PHACTR3: variants seen among roughly 807,000 people sequenced by gnomAD.
The protein encoded by PHACTR3 is protein phosphatase 1, regulatory subunit 123.
In PHACTR3, 16 loss-of-function variants were observed where a neutral mutation model predicts 66.8. That is an observed-to-expected ratio of 0.24 (90% CI 0.16 to 0.36). The LOEUF (loss-of-function observed/expected upper bound fraction) is 0.36. Among genes scored for constraint, PHACTR3 ranks in the 10% least tolerant of loss-of-function variants. PHACTR3 has a pLI of 1.00. For synonymous variants in PHACTR3, 323 were observed against 292.1 expected (o/e 1.11, Z -1.08); for missense variants, 647 against 719.9 (o/e 0.90, Z 1.16).
intron 5 of PHACTR3, among the ~76,000 whole-genome samples, chr20:59,768,866 G>A (rs575771269): frequency 6.6e-6 from 1 of 152,372 alleles, no homozygotes; most frequent in East Asian, 1.9e-4. Flanking sequence ...AACGGAGGAG[G>A]TGAGATGCAC....
intron 1 of PHACTR3, among the ~76,000 whole-genome samples, chr20:59,678,613 A>G (rs1190631455): frequency 1.3e-5 from 2 of 152,160 alleles, no homozygotes; most frequent in East Asian, 3.9e-4. Flanking sequence ...TCGCAGCTGA[A>G]TCTCATCTAC....
At chr20:59,608,565 C>T (rs907229994) in intron 1 of PHACTR3, among the ~76,000 whole-genome samples, 9 of 152,220 alleles carry the variant, frequency 5.9e-5, no homozygotes, top group South Asian at 2.1e-4. Context: ...CCCCTGGCAT[C>T]GGCCCCAGCA....
intron 7 of PHACTR3, among the ~76,000 whole-genome samples, chr20:59,797,629 T>C (rs1310412557): frequency 1.3e-5 from 2 of 152,196 alleles, no homozygotes; most frequent in Non-Finnish European, 2.9e-5. Flanking sequence ...TGAGTACCTC[T>C]GTTGCCTAGT....
At chr20:59,634,682 C>T (rs2034784471) in intron 1 of PHACTR3, among the ~76,000 whole-genome samples, 1 of 152,192 alleles carries the variant, frequency 6.6e-6, no homozygotes, top group Non-Finnish European at 1.5e-5. Flanking sequence ...GCCTCCTGTG[C>T]TTTTATCTTC....
At chr20:59,780,727 A>G (rs1347211531) in intron 7 of PHACTR3, among the ~76,000 whole-genome samples, 1 of 152,186 alleles carries the variant, frequency 6.6e-6, no homozygotes, top group African/African-American at 2.4e-5. Context: ...TACTCTGCGT[A>G]GAGAGACTTG....
chr20:59,845,011 G>T, intron 11 of PHACTR3, 178 bp from the exon 12 acceptor site: 1 of 483,286 alleles, frequency 2.1e-6, no homozygotes, highest in Non-Finnish European at 3.8e-6. Context: ...TACTAGCTTG[G>T]TAGGACTATA....
intron 7 of PHACTR3, among the ~76,000 whole-genome samples, chr20:59,797,537 AC>A (rs1331693380): frequency 6.6e-6 from 1 of 152,180 alleles, no homozygotes; most frequent in East Asian, 1.9e-4. Context: ...AGGGTAGAGT[AC>A]ATTGCCCTTT....
intron 7 of PHACTR3, among the ~76,000 whole-genome samples, chr20:59,800,885 G>C (rs1473822429): frequency 1.3e-5 from 2 of 152,048 alleles, no homozygotes; most frequent in Non-Finnish European, 2.9e-5. Flanking sequence ...TATTGAGTTA[G>C]CTCAACAGCT....
intron 1 of PHACTR3, among the ~76,000 whole-genome samples, chr20:59,702,845 T>C (rs1218632746): frequency 2.0e-5 from 3 of 152,238 alleles, no homozygotes; most frequent in African/African-American, 7.2e-5. Flanking sequence ...GTTATGTCTC[T>C]GGCAGCCTGT....
At chr20:59,662,318 G>A (rs1327794522) in intron 1 of PHACTR3, among the ~76,000 whole-genome samples, 1 of 152,134 alleles carries the variant, frequency 6.6e-6, no homozygotes, top group Non-Finnish European at 1.5e-5. Flanking sequence ...GGGTGGGGTG[G>A]GGGACACAGA....
At chr20:59,812,921 C>T (rs2041779599) in intron 8 of PHACTR3, among the ~76,000 whole-genome samples, 1 of 152,150 alleles carries the variant, frequency 6.6e-6, no homozygotes, top group Non-Finnish European at 1.5e-5. Context: ...CCCTGGGTCT[C>T]ACAGTTCATG....
At chr20:59,754,142 C>T (rs2039699386) in intron 3 of PHACTR3, among the ~76,000 whole-genome samples, 1 of 152,248 alleles carries the variant, frequency 6.6e-6, no homozygotes, top group Admixed American at 6.5e-5. Flanking sequence ...CTGTGACTTG[C>T]TGGCCGAGGG....
At position 59,840,427 on chromosome 20, in the gene PHACTR3, A is replaced by G; in HGVS notation, c.1443A>G (p.Arg481=). The G allele has an allele frequency of 6.2e-7, 1 of 1,613,524 alleles. No individual in the cohort carries two copies. Among genetic ancestry groups the G allele is most frequent in the Non-Finnish European group, 8.5e-7 (1 of 1,179,580 alleles). ...GAGAAATCAAGCAAAGATTGACAAGAAAGGTAGTATAAGCATTTTATTGCC... is the reference window on the plus strand; with the variant it reads ...GAGAAATCAAGCAAAGATTGACAAGGAAGGTAGTATAAGCATTTTATTGCC... ...ERREIKQRLT[R]KLNQRPTVDE... Residue 481 remains arginine, a synonymous_variant, in exon 10 of 13, where the codon AGA becomes AGG. Transcript: ENST00000371015.
intron 1 of PHACTR3, among the ~76,000 whole-genome samples, chr20:59,710,031 G>A (rs996822666): frequency 2.0e-5 from 3 of 152,108 alleles, no homozygotes; most frequent in African/African-American, 7.2e-5. Flanking sequence ...GAAAAAATCA[G>A]GTCTCAGGGA....
chr20:59,831,679 C>A (rs577161653), intron 8 of PHACTR3, among the ~76,000 whole-genome samples: 1 of 152,298 alleles, frequency 6.6e-6, no homozygotes, highest in South Asian at 2.1e-4. Context: ...CAGCTATGCT[C>A]CGGCCACGTC....
intron 1 of PHACTR3, among the ~76,000 whole-genome samples, chr20:59,717,398 G>C (rs190346196): frequency 6.6e-6 from 1 of 152,314 alleles, no homozygotes; most frequent in East Asian, 1.9e-4. Context: ...ACCTAATTGG[G>C]ATACTGACAC....
intron 8 of PHACTR3, among the ~76,000 whole-genome samples, chr20:59,815,580 A>T (rs2041865213): frequency 6.6e-6 from 1 of 152,000 alleles, no homozygotes; most frequent in Non-Finnish European, 1.5e-5. Context: ...GTGCACCACC[A>T]TGCCCAGCTA....
At chr20:59,755,085 A>T (rs1244337573) in intron 3 of PHACTR3, 97 bp from the exon 4 acceptor site, 1 of 1,279,228 alleles carries the variant, frequency 7.8e-7, no homozygotes, top group Non-Finnish European at 1.1e-6. Context: ...GACCACCCAG[A>T]GCCTAGAATG....
chr20:59,840,654 G>A (rs1419338096), intron 10 of PHACTR3, among the ~76,000 whole-genome samples: 1 of 152,210 alleles, frequency 6.6e-6, no homozygotes, highest in Non-Finnish European at 1.5e-5. Context: ...GGTAGCACTT[G>A]GAGAGGTGCA....
Sources: allele counts gnomAD v4.1 joint callset (sites outside exome capture counted in the v4.1 genomes callset), GRCh38; gene constraint gnomAD v4.1.1; transcripts MANE v1.5; gene names NCBI Gene and HGNC (gene_info 2026-07-23, HGNC 2026-07-21).